Variants in PDE4D observed in about 807,000 individuals in gnomAD.
PDE4D encodes the protein phosphodiesterase 4D, also known as 3',5'-cyclic-AMP phosphodiesterase 4D.
A neutral mutation model predicts 87.4 loss-of-function variants in PDE4D; 24 were observed. That is an observed-to-expected ratio of 0.27 (90% CI 0.20 to 0.39). The LOEUF (loss-of-function observed/expected upper bound fraction) is 0.39. PDE4D is among the 10% of genes least tolerant of loss of function. PDE4D has a pLI of 1.00. For missense variants in PDE4D, 714 were observed against 1,041.0 expected (o/e 0.69, Z 4.32); for synonymous variants, 384 against 383.2 (o/e 1.00, Z -0.02).
Position 58,989,986 on chromosome 5 carries a change from TA to T in PDE4D, c.1288-68del, listed in dbSNP as rs11373971. The T allele has an allele frequency of 1.2e-3, 765 of 659,318 alleles. 1 individual carries two copies. The highest frequency in any genetic ancestry group is 1.4e-3 in the Non-Finnish European group (572 of 410,506). 40.8% of individuals were successfully genotyped at this position (659,318 alleles called of 1,614,324 possible). A position where few individuals can be genotyped will look rare whatever the true frequency, so the allele number is the denominator to read the frequency against. On this transcript the variant is annotated intron_variant, in intron 9 of 14. Coordinates refer to ENST00000340635, the MANE Select transcript of PDE4D (RefSeq NM_001104631.2). ...GAAAAATTTCTCCATAGAGTATGTTTAAAAAAAAAAATCACACACCAGTGTT... is the reference window on the plus strand; with the variant it reads ...GAAAAATTTCTCCATAGAGTATGTTTAAAAAAAAAATCACACACCAGTGTT...
intron 1 of PDE4D, among the ~76,000 whole-genome samples, chr5:60,320,073 C>A (rs1332668977): frequency 6.6e-6 from 1 of 152,220 alleles, no homozygotes; most frequent in African/African-American, 2.4e-5. Context: ...ATGCCCTGCC[C>A]CCAGAGGTGT....
At chr5:59,754,861 T>G (rs1580897791) in intron 1 of PDE4D, among the ~76,000 whole-genome samples, 1 of 138,716 alleles carries the variant, frequency 7.2e-6, no homozygotes, top group Non-Finnish European at 1.5e-5. Context: ...ACTTAATAAT[T>G]ACAGTGTGGG....
At chr5:60,289,589 C>T (rs1752709901) in intron 1 of PDE4D, among the ~76,000 whole-genome samples, 1 of 152,156 alleles carries the variant, frequency 6.6e-6, no homozygotes, top group African/African-American at 2.4e-5. Flanking sequence ...AATAACTTGC[C>T]TACCAATTAC....
At chr5:59,157,386 C>G (rs1332034709) in intron 5 of PDE4D, 2 of 702,124 alleles carry the variant, frequency 2.8e-6, no homozygotes, top group South Asian at 3.0e-5. Context: ...CATTTGCAAA[C>G]AAGTGATCCG....
At chr5:59,587,723 C>T (rs1825374915) in intron 1 of PDE4D, 4 of 500,148 alleles carry the variant, frequency 8.0e-6, no homozygotes, top group Non-Finnish European at 1.0e-5. Flanking sequence ...TGCAGAGCCG[C>T]GCACTCCTTG....
intron 2 of PDE4D, among the ~76,000 whole-genome samples, chr5:60,179,521 C>T (rs556623293): frequency 7.2e-5 from 11 of 152,024 alleles, no homozygotes; most frequent in Non-Finnish European, 1.3e-4. Flanking sequence ...GATTTCAATG[C>T]TGTTTTTCTC....
chr5:59,005,331 T>C (rs1024493051), intron 6 of PDE4D, among the ~76,000 whole-genome samples: 2 of 152,184 alleles, frequency 1.3e-5, no homozygotes, highest in African/African-American at 2.4e-5. Context: ...ATTTAACTTA[T>C]TCAAATAAGT....
At chr5:60,309,172 C>A (rs904988897) in intron 1 of PDE4D, among the ~76,000 whole-genome samples, 16 of 151,672 alleles carry the variant, frequency 1.1e-4, no homozygotes, top group African/African-American at 3.6e-4. Flanking sequence ...CAATAAATGT[C>A]ATTTATGTGC....
At chr5:59,467,787 A>C (rs116258520) in intron 1 of PDE4D, among the ~76,000 whole-genome samples, 3,797 of 152,294 alleles carry the variant, frequency 0.025, 75 homozygotes, top group Non-Finnish European at 0.036. Context: ...ACATGAAATA[A>C]ATTATGTTTG....
chr5:59,359,018 A>G (rs915750533), intron 1 of PDE4D, among the ~76,000 whole-genome samples: 2 of 152,224 alleles, frequency 1.3e-5, no homozygotes, highest in African/African-American at 4.8e-5. Flanking sequence ...CATTTTCACA[A>G]ATAATTAACT....
intron 3 of PDE4D, among the ~76,000 whole-genome samples, chr5:59,955,176 G>C (rs544608186): frequency 6.6e-6 from 1 of 152,270 alleles, no homozygotes; most frequent in East Asian, 1.9e-4. Context: ...TGGTAACCAT[G>C]GTTGTGCCTC....
chr5:59,504,939 TGC>T (rs1554198186), intron 1 of PDE4D, among the ~76,000 whole-genome samples: 5 of 134,780 alleles, frequency 3.7e-5, no homozygotes, highest in South Asian at 2.3e-4. Flanking sequence ...TGTGTGTGTG[TGC>T]GTGCGCGTGT....
chr5:59,353,150 C>T lies in PDE4D; in HGVS notation c.456-137182G>A, dbSNP rs185790834. Among the ~76,000 whole-genome samples, 31 of 152,228 alleles carry T rather than the reference C, an allele frequency of 2.0e-4. No individual in the cohort carries two copies. In the East Asian group the frequency reaches 6.0e-3, roughly 29 times the overall value. On this transcript the variant is annotated intron_variant, in intron 1 of 14. Transcript: ENST00000340635. ...CACATAAAATGTTCCTTTTAACATCCTTGTGATTTGTTCTCTTTGGAAGAC... is the reference window on the plus strand; with the variant it reads ...CACATAAAATGTTCCTTTTAACATCTTTGTGATTTGTTCTCTTTGGAAGAC...
chr5:60,104,103 T>G (rs980191906), intron 2 of PDE4D, among the ~76,000 whole-genome samples: 3 of 152,102 alleles, frequency 2.0e-5, no homozygotes, highest in Non-Finnish European at 4.4e-5. Flanking sequence ...TTCCCTTTCC[T>G]AGTCAAAGAA....
At chr5:59,466,798 C>G (rs1801644531) in intron 1 of PDE4D, among the ~76,000 whole-genome samples, 1 of 152,076 alleles carries the variant, frequency 6.6e-6, no homozygotes, top group Non-Finnish European at 1.5e-5. Flanking sequence ...GAAGATAGAA[C>G]CAATATACAT....
intron 2 of PDE4D, among the ~76,000 whole-genome samples, chr5:60,135,489 T>C (rs1470857207): frequency 6.6e-6 from 1 of 152,024 alleles, no homozygotes; most frequent in Non-Finnish European, 1.5e-5. Context: ...AAAAAAGTAG[T>C]CTATCGTTCA....
At chr5:59,036,974 CAAAGTCT>C (rs1182845978) in intron 6 of PDE4D, among the ~76,000 whole-genome samples, 1 of 151,988 alleles carries the variant, frequency 6.6e-6, no homozygotes, top group Non-Finnish European at 1.5e-5. Context: ...TAAATTAACT[CAAAGTCT>C]AATCTGGGGC....
intron 5 of PDE4D, among the ~76,000 whole-genome samples, chr5:59,045,352 A>T (rs1225832701): frequency 6.6e-6 from 1 of 152,064 alleles, no homozygotes; most frequent in East Asian, 1.9e-4. Context: ...TCGGGAGTTC[A>T]AGACCAGCCT....
chr5:59,762,350 A>G (rs62644410), intron 1 of PDE4D, among the ~76,000 whole-genome samples: 3,843 of 60,860 alleles, frequency 0.063, 656 homozygotes, highest in African/African-American at 0.18. Flanking sequence ...ACACATATGC[A>G]TATATGTGTA....
Sources: gnomAD v4.1 joint callset for allele counts (sites outside exome capture counted in the v4.1 genomes callset) on GRCh38, gnomAD v4.1.1 for gene constraint, MANE v1.5 for transcripts, NCBI Gene and HGNC (gene_info 2026-07-23, HGNC 2026-07-21) for gene names.